SPIRE1: variants seen among roughly 807,000 people sequenced by gnomAD.
SPIRE1 encodes protein spire homolog 1.
In SPIRE1, 40 loss-of-function variants were observed where a neutral mutation model predicts 94.1. The ratio of observed to expected loss-of-function variants is 0.43; its 90% confidence interval spans 0.33 to 0.55. The LOEUF is 0.55. SPIRE1 is among the 20% of genes least tolerant of loss of function. The pLI, the probability that SPIRE1 is intolerant of heterozygous loss-of-function variation, is 0.06. For missense variants in SPIRE1, 838 were observed against 975.2 expected, an observed-to-expected ratio of 0.86 and a Z score of 1.87; for synonymous variants, 376 against 371.7, an observed-to-expected ratio of 1.01 and a Z score of -0.13.
chr18:12,585,458 T>C (rs1165160478), intron 2 of SPIRE1, among the ~76,000 whole-genome samples: 1 of 152,212 alleles, frequency 6.6e-6, no homozygotes, highest in African/African-American at 2.4e-5. Flanking sequence ...CAGCTGCCTA[T>C]AGTCACATCT....
chr18:12,508,054 G>C (rs1028047091), intron 5 of SPIRE1, among the ~76,000 whole-genome samples: 1 of 152,066 alleles, frequency 6.6e-6, no homozygotes, highest in Admixed American at 6.6e-5. Flanking sequence ...GCTGAGGCAG[G>C]AGAATCGCTT....
chr18:12,573,816 T>C (rs181120141), intron 2 of SPIRE1, among the ~76,000 whole-genome samples: 24 of 152,220 alleles, frequency 1.6e-4, no homozygotes, highest in African/African-American at 5.8e-4. Context: ...CTCGGCTCAC[T>C]GCAAGCTCCG....
At chr18:12,524,755 C>T (rs1471404144) in intron 4 of SPIRE1, among the ~76,000 whole-genome samples, 2 of 152,076 alleles carry the variant, frequency 1.3e-5, no homozygotes, top group African/African-American at 4.8e-5. Context: ...GGCAGGATCA[C>T]TTGAGGCCAG....
At chr18:12,544,504 G>GT (rs549818922) in intron 3 of SPIRE1, among the ~76,000 whole-genome samples, 2,731 of 139,948 alleles carry the variant, frequency 0.02, 56 homozygotes, top group African/African-American at 0.052. Context: ...GCGCCCAGTC[G>GT]TTTTTTTTTT....
Position 12,454,303 on chromosome 18 carries a change from C to T in SPIRE1, c.1776+43G>A, listed in dbSNP as rs181476017. ...CCAGGAGACTATGCATGGGACTGGC[C>T]ATCCTTCTACTCTTCTGATCAATCA... is the stretch of plus-strand genomic sequence containing the variant. On this transcript the variant is annotated intron_variant, in intron 13 of 16. Coordinates refer to ENST00000409402, the MANE Select transcript of SPIRE1 (RefSeq NM_001128626.2). 5.6e-6 allele frequency: 9 copies of T among 1,609,486 alleles called. No homozygotes were observed. In the East Asian group the frequency reaches 2.0e-4, roughly 36 times the overall value.
intron 10 of SPIRE1, among the ~76,000 whole-genome samples, chr18:12,475,016 C>T (rs1266000121): frequency 2.0e-5 from 3 of 152,150 alleles, no homozygotes; most frequent in Non-Finnish European, 4.4e-5. Context: ...CATGGTGCAA[C>T]GTCAGCCAGG....
intron 2 of SPIRE1, among the ~76,000 whole-genome samples, chr18:12,614,635 G>T (rs2037232326): frequency 6.6e-6 from 1 of 151,914 alleles, no homozygotes; most frequent in African/African-American, 2.4e-5. Context: ...GGCCAACATG[G>T]TGAAACCCCG....
intron 10 of SPIRE1, among the ~76,000 whole-genome samples, chr18:12,479,197 CAG>C (rs2032749066): frequency 1.6e-5 from 2 of 125,222 alleles, no homozygotes; most frequent in East Asian, 4.6e-4. Flanking sequence ...TTTTTTGAGA[CAG>C]AGTCTCACTC....
intron 4 of SPIRE1, among the ~76,000 whole-genome samples, chr18:12,524,171 T>A (rs138455418): frequency 6.6e-6 from 1 of 152,236 alleles, no homozygotes; most frequent in South Asian, 2.1e-4. Context: ...TTGTGTAAAA[T>A]ATACTCATAT....
chr18:12,467,208 G>A (rs994781710), intron 10 of SPIRE1, among the ~76,000 whole-genome samples: 2 of 152,280 alleles, frequency 1.3e-5, no homozygotes. Context: ...AACCCGGGAG[G>A]TGGAGGTTGC....
intron 4 of SPIRE1, among the ~76,000 whole-genome samples, chr18:12,514,048 C>A (rs970745792): frequency 1.3e-5 from 2 of 152,076 alleles, no homozygotes; most frequent in Admixed American, 1.3e-4. Context: ...CACTATATTG[C>A]CTGGGCTGGT....
chr18:12,539,449 T>C (rs1255660312), intron 3 of SPIRE1, among the ~76,000 whole-genome samples: 1 of 152,078 alleles, frequency 6.6e-6, no homozygotes. Flanking sequence ...TAAACCTATT[T>C]TTCTTCCCAG....
At chr18:12,509,634 C>T (rs2033958487) in intron 5 of SPIRE1, among the ~76,000 whole-genome samples, 1 of 152,068 alleles carries the variant, frequency 6.6e-6, no homozygotes, top group Non-Finnish European at 1.5e-5. Flanking sequence ...AAGAATATTG[C>T]AAACAAGAAA....
intron 12 of SPIRE1, among the ~76,000 whole-genome samples, chr18:12,461,105 C>A (rs2031777848): frequency 6.6e-6 from 1 of 152,126 alleles, no homozygotes; most frequent in Non-Finnish European, 1.5e-5. Context: ...CACGGCCTGA[C>A]CTCGCAACAC....
rs576325511 is a variant in SPIRE1 at position 12,464,122 on chromosome 18, A to T, written c.1496-629T>A. Among the ~76,000 whole-genome samples, 149 of 152,348 alleles carry T rather than the reference A, an allele frequency of 9.8e-4. 1 individual carries two copies. The highest frequency in any genetic ancestry group is 3.4e-3 in the African/African-American group (142 of 41,572). Reference sequence around the variant, plus strand: ...GGGTGTGGAAAGTGAGAGTCAACACAAAGTTACATATGATCCATCTATTTA... The same window carrying T: ...GGGTGTGGAAAGTGAGAGTCAACACTAAGTTACATATGATCCATCTATTTA... On this transcript the variant is annotated intron_variant, in intron 11 of 16. Coordinates refer to ENST00000409402, the MANE Select transcript of SPIRE1 (RefSeq NM_001128626.2).
intron 6 of SPIRE1, among the ~76,000 whole-genome samples, chr18:12,505,781 T>C (rs758960396): frequency 1.4e-4 from 22 of 152,186 alleles, no homozygotes; most frequent in Non-Finnish European, 2.9e-4. Context: ...AACTCCGGAA[T>C]AGCCATAAGC....
At chr18:12,570,664 C>A (rs920728959) in intron 2 of SPIRE1, among the ~76,000 whole-genome samples, 3 of 152,152 alleles carry the variant, frequency 2.0e-5, no homozygotes, top group African/African-American at 7.2e-5. Flanking sequence ...TATAACAAAG[C>A]CAGGCTGGAG....
rs779246723 is a variant in SPIRE1, at chr18:12,506,491, A to G, written c.958T>C (p.Leu320=). ...TGGTTACTTACCATCACTTTTCGCA[A>G]GGTGTATCTTTTGCAGCGAATGTCA... The part of the protein sequence containing the change: ...MDDIRCKRYT[L]RKVMVNGDIP... The change falls in exon 6 of 17, where the codon TTG becomes CTG. Residue 320 remains leucine, a synonymous_variant. Coordinates refer to ENST00000409402, the MANE Select transcript of SPIRE1 (RefSeq NM_001128626.2). The G allele has an allele frequency of 1.2e-6, 2 of 1,613,906 alleles. No homozygotes were observed. The highest frequency in any genetic ancestry group is 3.3e-5 in the Admixed American group (2 of 59,974).
chr18:12,599,614 A>G (rs1054612626), intron 2 of SPIRE1, among the ~76,000 whole-genome samples: 1 of 152,134 alleles, frequency 6.6e-6, no homozygotes, highest in African/African-American at 2.4e-5. Flanking sequence ...TTTCATTACA[A>G]TGACACTGGA....
Sources: gnomAD v4.1 joint callset for allele counts (sites outside exome capture counted in the v4.1 genomes callset) on GRCh38, gnomAD v4.1.1 for gene constraint, MANE v1.5 for transcripts, NCBI Gene and HGNC (gene_info 2026-07-23, HGNC 2026-07-21) for gene names.